DOCK4: variants seen among roughly 807,000 people sequenced by gnomAD.
The protein encoded by DOCK4 is dedicator of cytokinesis 4, also known as dedicator of cytokinesis protein 4.
Under a neutral mutation model 268.1 loss-of-function variants are expected in DOCK4, and 97 were observed. The ratio of observed to expected loss-of-function variants is 0.36; its 90% confidence interval spans 0.31 to 0.43. DOCK4 has a LOEUF of 0.43. Among genes scored for constraint, DOCK4 ranks in the 20% least tolerant of loss-of-function variants. The pLI, the probability that DOCK4 is intolerant of heterozygous loss-of-function variation, is 1.00. For missense variants in DOCK4, 2,145 were observed against 2,455.7 expected (o/e 0.87, Z 2.67); for synonymous variants, 954 against 887.2 (o/e 1.08, Z -1.34).
chr7:111,949,652 A>G (rs1795897007), intron 8 of DOCK4, among the ~76,000 whole-genome samples: 1 of 152,204 alleles, frequency 6.6e-6, no homozygotes, highest in Admixed American at 6.5e-5. Flanking sequence ...AGAAAAAAAA[A>G]AGGAAAACAT....
intron 8 of DOCK4, among the ~76,000 whole-genome samples, chr7:111,969,433 TAA>T (rs199647856): frequency 3.0e-5 from 4 of 134,646 alleles, no homozygotes; most frequent in Non-Finnish European, 6.2e-5. Flanking sequence ...TTTTTTCTAT[TAA>T]AAAAACAAAA....
intron 23 of DOCK4, among the ~76,000 whole-genome samples, chr7:111,858,025 G>C (rs1266457264): frequency 6.6e-6 from 1 of 152,044 alleles, no homozygotes; most frequent in Non-Finnish European, 1.5e-5. Flanking sequence ...TGTCCTTTAG[G>C]TTTGGTCAGA....
At chr7:112,131,518 C>T (rs1466338523) in intron 1 of DOCK4, among the ~76,000 whole-genome samples, 1 of 152,090 alleles carries the variant, frequency 6.6e-6, no homozygotes, top group Non-Finnish European at 1.5e-5. Context: ...TCCTCATATC[C>T]CCAGCCCCAA....
chr7:112,128,868 C>T (rs1563112984), intron 1 of DOCK4, among the ~76,000 whole-genome samples: 1 of 151,930 alleles, frequency 6.6e-6, no homozygotes, highest in Admixed American at 6.6e-5. Context: ...GTCCTATGAC[C>T]CTGCCAAATC....
intron 50 of DOCK4, 87 bp from the exon 51 acceptor site, chr7:111,735,254 A>G (rs763702328): frequency 4.4e-6 from 4 of 912,920 alleles, no homozygotes; most frequent in Non-Finnish European, 4.8e-6. Context: ...AGAATTATCC[A>G]GAATGAAAAA....
At chr7:112,118,946 G>T (rs1046725952) in intron 1 of DOCK4, among the ~76,000 whole-genome samples, 10 of 152,098 alleles carry the variant, frequency 6.6e-5, no homozygotes, top group African/African-American at 2.4e-4. Flanking sequence ...AATATTCAGT[G>T]GCCTACATAT....
At chr7:112,079,440 G>A (rs1808385418) in intron 1 of DOCK4, among the ~76,000 whole-genome samples, 1 of 152,118 alleles carries the variant, frequency 6.6e-6, no homozygotes, top group African/African-American at 2.4e-5. Flanking sequence ...TATAACTTTA[G>A]TACCAAGGCC....
Position 111,739,094 on chromosome 7 carries a change from T to C in DOCK4, c.5232+40A>G, listed in dbSNP as rs10258414. 3,535 of 1,555,070 alleles carry C rather than the reference T, an allele frequency of 2.3e-3. 67 individuals carry two copies. The African/African-American group carries it at 0.041, about 18-fold the overall frequency. Reference sequence around the variant, plus strand: ...CAGAGATAGGTAAGCAATTCCAGAATTGTCCTTGTTTTCTAGTTTCTCTAC... The same window carrying C: ...CAGAGATAGGTAAGCAATTCCAGAACTGTCCTTGTTTTCTAGTTTCTCTAC... On this transcript the variant is annotated intron_variant, in intron 49 of 52. Coordinates refer to ENST00000428084, the MANE Select transcript of DOCK4 (RefSeq NM_001363540.2).
intron 16 of DOCK4, among the ~76,000 whole-genome samples, chr7:111,891,189 G>GAA (rs11396137): frequency 0.46 from 68,492 of 150,154 alleles, 16,793 homozygotes; most frequent in African/African-American, 0.65. Context: ...TGGTCAAAAT[G>GAA]AAAAAAAAAT....
intron 1 of DOCK4, among the ~76,000 whole-genome samples, chr7:112,122,762 T>C (rs1812859271): frequency 6.6e-6 from 1 of 152,246 alleles, no homozygotes; most frequent in Admixed American, 6.5e-5. Flanking sequence ...AAGACTAGTT[T>C]TTTTGTCTGC....
At chr7:111,845,502 G>T (rs1804029538) in intron 24 of DOCK4, among the ~76,000 whole-genome samples, 1 of 152,142 alleles carries the variant, frequency 6.6e-6, no homozygotes, top group Non-Finnish European at 1.5e-5. Flanking sequence ...CCACGCCCCA[G>T]GACTTGCAAG....
chr7:112,051,186 A>G (rs566212429), intron 1 of DOCK4, among the ~76,000 whole-genome samples: 1 of 152,270 alleles, frequency 6.6e-6, no homozygotes, highest in Non-Finnish European at 1.5e-5. Context: ...GTAAAGGGAA[A>G]TGGAATGGCA....
chr7:111,854,273 A>T (rs1258665253), intron 23 of DOCK4, among the ~76,000 whole-genome samples: 1 of 152,232 alleles, frequency 6.6e-6, no homozygotes, highest in African/African-American at 2.4e-5. Flanking sequence ...CTAATCGGTT[A>T]TGTTATCTAT....
intron 1 of DOCK4, among the ~76,000 whole-genome samples, chr7:112,019,739 G>A (rs781298954): frequency 3.9e-4 from 59 of 152,054 alleles, no homozygotes; most frequent in Non-Finnish European, 6.5e-4. Context: ...GATACTTTTT[G>A]AGAATTTTTT....
chr7:111,982,147 T>C (rs1224470003), intron 7 of DOCK4, among the ~76,000 whole-genome samples: 1 of 152,188 alleles, frequency 6.6e-6, no homozygotes, highest in Non-Finnish European at 1.5e-5. Flanking sequence ...GTCTCCTTCC[T>C]ACTGCCTGGA....
rs545938168 is a variant in DOCK4, at chr7:111,728,846, G to T, written c.5482-126C>A. ...ACCCCCAAAGCCGGCTGCAGCAGGAGATGCAGCCTTTAAGGAGGTGATTAA... is the reference window on the plus strand; with the variant it reads ...ACCCCCAAAGCCGGCTGCAGCAGGATATGCAGCCTTTAAGGAGGTGATTAA... On this transcript the variant is annotated intron_variant, in intron 52 of 52. Transcript: ENST00000428084. 39 of 860,136 alleles carry T rather than the reference G, an allele frequency of 4.5e-5. No individual in the cohort carries two copies. In the South Asian group the frequency reaches 7.0e-4, roughly 15 times the overall value. 53.3% of individuals were successfully genotyped at this position (860,136 alleles called of 1,614,324 possible). A position where few individuals can be genotyped will look rare whatever the true frequency, so the allele number is the denominator to read the frequency against.
intron 6 of DOCK4, among the ~76,000 whole-genome samples, chr7:111,984,770 G>C (rs545204800): frequency 2.8e-4 from 42 of 152,320 alleles, no homozygotes; most frequent in African/African-American, 9.4e-4. Context: ...CTAGAAATTG[G>C]AGTTGAGGGG....
intron 1 of DOCK4, among the ~76,000 whole-genome samples, chr7:112,058,177 G>A (rs924533635): frequency 4.6e-5 from 7 of 151,780 alleles, no homozygotes; most frequent in Non-Finnish European, 1.0e-4. Context: ...CCTTATCTTG[G>A]CTTTTCTATT....
At chr7:112,122,359 T>G (rs1395971306) in intron 1 of DOCK4, among the ~76,000 whole-genome samples, 3 of 152,154 alleles carry the variant, frequency 2.0e-5, no homozygotes, top group African/African-American at 7.2e-5. Flanking sequence ...GAACCACCAT[T>G]CTACTTTCTG....
Sources: gnomAD v4.1 joint callset for allele counts (sites outside exome capture counted in the v4.1 genomes callset) on GRCh38, gnomAD v4.1.1 for gene constraint, MANE v1.5 for transcripts, NCBI Gene and HGNC (gene_info 2026-07-23, HGNC 2026-07-21) for gene names.